The following WDR49 variants were observed in gnomAD, a reference collection of about 807,000 sequenced individuals.
The protein encoded by WDR49 is cilia- and flagella-associated protein 337.
In WDR49, 107 loss-of-function variants were observed where a neutral mutation model predicts 119.5. That is an observed-to-expected ratio of 0.90 (90% confidence interval 0.77 to 1.05). The LOEUF (loss-of-function observed/expected upper bound fraction) is 1.05, where lower values mean the gene tolerates loss of function less well. Among genes scored for constraint, WDR49 ranks in the 50% least tolerant of loss-of-function variants. WDR49 has a pLI of 0.00. For missense variants in WDR49, 1,240 were observed against 1,220.5 expected (o/e 1.02, Z -0.24); for synonymous variants, 425 against 418.8 (o/e 1.01, Z -0.18).
chr3:167,530,444 C>T lies in WDR49; in HGVS notation c.2218+671G>A, dbSNP rs1752806048. Among the ~76,000 whole-genome samples the T allele has an allele frequency of 5.9e-5, 9 of 152,054 alleles. No individual in the cohort carries two copies. The South Asian group carries it at 1.9e-3, about 32-fold the overall frequency. On this transcript the variant is annotated intron_variant, in intron 13 of 18. Coordinates refer to ENST00000682715, the MANE Select transcript of WDR49 (RefSeq NM_001366157.1). ...CTGCATCAACACCATGCTAATATTG[C>T]CACTGACAACAAGGAAAAAATTAAG... is the stretch of plus-strand genomic sequence containing the variant.
chr3:167,503,566 C>T lies in WDR49; in HGVS notation c.2884+1741G>A, dbSNP rs1042286794. ...TGACTAGTGTTCAGCTCAATTAGGA[C>T]GAACCAGGGCACTTAGCCGTGCAGG... is the stretch of plus-strand genomic sequence containing the variant. On this transcript the variant is annotated intron_variant, in intron 17 of 18. Transcript: ENST00000682715. Among the ~76,000 whole-genome samples the T allele has an allele frequency of 1.1e-4, 16 of 152,276 alleles. No homozygotes were observed. In the East Asian group the frequency reaches 1.2e-3, roughly 11 times the overall value.
rs146764757 is a variant in WDR49 at position 167,571,763 on chromosome 3, G to A, written c.1509+4155C>T. 9.2e-5 allele frequency among the ~76,000 whole-genome samples: 14 copies of A among 152,236 alleles called. No individual in the cohort carries two copies. In the East Asian group the frequency reaches 2.3e-3, roughly 25 times the overall value. The stretch of plus-strand genomic sequence containing the variant: ...TTTTGTATTTGAGCTTTACTGCATT[G>A]CTTTAATTTCTTACAATAATCATGT... On this transcript the variant is annotated intron_variant, in intron 8 of 18. Transcript: ENST00000682715.
intron 2 of WDR49, among the ~76,000 whole-genome samples, chr3:167,639,298 G>C (rs796598053): frequency 1.9e-4 from 29 of 149,680 alleles, no homozygotes; most frequent in African/African-American, 6.6e-4. Flanking sequence ...TACCATGTTG[G>C]AGCTAGAAGA....
At chr3:167,510,179 T>C (rs1226033057) in intron 16 of WDR49, among the ~76,000 whole-genome samples, 2 of 152,040 alleles carry the variant, frequency 1.3e-5, no homozygotes, top group East Asian at 3.9e-4. Context: ...GGTCAGGAGT[T>C]CAAGACCAGC....
chr3:167,521,424 C>G (rs1752430445), intron 16 of WDR49, among the ~76,000 whole-genome samples: 1 of 152,094 alleles, frequency 6.6e-6, no homozygotes, highest in African/African-American at 2.4e-5. Flanking sequence ...TTCTTCCCAT[C>G]CTCAGTGAAA....
At chr3:167,579,210 T>C (rs1251418001) in intron 7 of WDR49, among the ~76,000 whole-genome samples, 1 of 152,150 alleles carries the variant, frequency 6.6e-6, no homozygotes. Context: ...TAATTCTTTA[T>C]AGCAGTGTGA....
At chr3:167,586,210 T>C (rs1019481583) in intron 7 of WDR49, among the ~76,000 whole-genome samples, 12 of 152,112 alleles carry the variant, frequency 7.9e-5, no homozygotes, top group East Asian at 1.9e-4. Flanking sequence ...TTAGGAGTAA[T>C]GAAAAAGCTG....
intron 11 of WDR49, 77 bp from the exon 12 acceptor site, chr3:167,533,054 G>A: frequency 2.0e-6 from 2 of 1,024,326 alleles, no homozygotes; most frequent in South Asian, 3.4e-5. Context: ...ATCAGAAGAA[G>A]TTATTAGCAA....
intron 10 of WDR49, among the ~76,000 whole-genome samples, chr3:167,547,562 T>C (rs1279543490): frequency 6.6e-6 from 1 of 151,702 alleles, no homozygotes; most frequent in Non-Finnish European, 1.5e-5. Context: ...TGCAAAAATC[T>C]TTACAATTTC....
chr3:167,648,559 A>T (rs944002465), intron 2 of WDR49, among the ~76,000 whole-genome samples: 8 of 152,208 alleles, frequency 5.3e-5, no homozygotes, highest in Non-Finnish European at 8.8e-5. Context: ...ATGCTGGTTC[A>T]TTAGGAGAGA....
intron 7 of WDR49, among the ~76,000 whole-genome samples, chr3:167,585,015 C>T (rs748694012): frequency 4.8e-4 from 73 of 151,982 alleles, no homozygotes; most frequent in South Asian, 8.3e-4. Flanking sequence ...TTAGAGCACA[C>T]ATTTTTAAAT....
intron 8 of WDR49, among the ~76,000 whole-genome samples, chr3:167,570,819 C>T (rs747838452): frequency 7.9e-5 from 12 of 152,064 alleles, no homozygotes; most frequent in Non-Finnish European, 1.5e-4. Flanking sequence ...AGGTGGATCA[C>T]GAGGTCAGGA....
intron 5 of WDR49, among the ~76,000 whole-genome samples, chr3:167,609,037 T>C (rs1716201796): frequency 6.6e-6 from 1 of 152,132 alleles, no homozygotes; most frequent in Non-Finnish European, 1.5e-5. Context: ...TGAAAAGTGA[T>C]ACCTAAAAAC....
chr3:167,587,602 C>T (rs1714886210), intron 7 of WDR49, among the ~76,000 whole-genome samples: 1 of 152,128 alleles, frequency 6.6e-6, no homozygotes, highest in Admixed American at 6.6e-5. Flanking sequence ...TGCCCTACCT[C>T]AGCCTTTCGG....
intron 2 of WDR49, among the ~76,000 whole-genome samples, chr3:167,628,807 C>T (rs1717241946): frequency 6.6e-6 from 1 of 152,068 alleles, no homozygotes; most frequent in Non-Finnish European, 1.5e-5. Context: ...AAGAAGATGC[C>T]ATTTAGGACT....
In WDR49 at chr3:167,607,186, G is replaced by A. The variant is rs79659637; in HGVS notation, c.959-2718C>T. 8.4e-3 allele frequency among the ~76,000 whole-genome samples: 1,278 copies of A among 152,234 alleles called. 88 individuals are homozygous for A. The East Asian group carries it at 0.17, about 21-fold the overall frequency. Reference sequence around the variant, plus strand: ...TCAGGAGGTTACACTAATAGTAGGGGAATGTTAGAATAATATTTTTAGACT... The same window carrying A: ...TCAGGAGGTTACACTAATAGTAGGGAAATGTTAGAATAATATTTTTAGACT... On this transcript the variant is annotated intron_variant, in intron 5 of 18. Transcript: ENST00000682715.
At chr3:167,584,036 T>C (rs1714685681) in intron 7 of WDR49, among the ~76,000 whole-genome samples, 1 of 152,026 alleles carries the variant, frequency 6.6e-6, no homozygotes, top group Non-Finnish European at 1.5e-5. Context: ...TAATTAGGTA[T>C]AACATTAAAG....
chr3:167,639,754 A>G (rs1717791816), intron 2 of WDR49, among the ~76,000 whole-genome samples: 1 of 151,814 alleles, frequency 6.6e-6, no homozygotes, highest in Admixed American at 6.6e-5. Context: ...TTCTCAAACC[A>G]AAGATCCAAC....
At chr3:167,577,911 C>T (rs990692210) in intron 7 of WDR49, among the ~76,000 whole-genome samples, 2 of 152,014 alleles carry the variant, frequency 1.3e-5, no homozygotes, top group South Asian at 4.1e-4. Flanking sequence ...ATGCCCACAG[C>T]CATATATATG....
Sources: gnomAD v4.1 joint callset for allele counts (sites outside exome capture counted in the v4.1 genomes callset) on GRCh38, gnomAD v4.1.1 for gene constraint, MANE v1.5 for transcripts, NCBI Gene and HGNC (gene_info 2026-07-23, HGNC 2026-07-21) for gene names.